The following CFHR4 variants were observed in gnomAD, a reference collection of about 807,000 sequenced individuals.
The protein encoded by CFHR4 is complement factor H related 4.
Under a neutral mutation model 69.3 loss-of-function variants are expected in CFHR4, and 64 were observed. The ratio of observed to expected loss-of-function variants is 0.92; its 90% CI spans 0.76 to 1.14. The LOEUF (loss-of-function observed/expected upper bound fraction) is 1.14, where lower values mean the gene tolerates loss of function less well. CFHR4 is among the 50% of genes most tolerant of loss of function. The pLI, the probability that CFHR4 is intolerant of heterozygous loss-of-function variation, is 0.00. For synonymous variants in CFHR4, 244 were observed against 237.0 expected (o/e 1.03, Z -0.27); for missense variants, 636 against 684.9 (o/e 0.93, Z 0.80).
At chr1:196,908,884 C>G (rs542525744) in intron 5 of CFHR4, among the ~76,000 whole-genome samples, 1 of 151,338 alleles carries the variant, frequency 6.6e-6, no homozygotes, top group African/African-American at 2.4e-5. Flanking sequence ...TGCTATGCTA[C>G]CTTTTACCTT....
intron 1 of CFHR4, among the ~76,000 whole-genome samples, chr1:196,892,181 T>A (rs1657075164): frequency 1.3e-5 from 2 of 151,482 alleles, no homozygotes; most frequent in Non-Finnish European, 2.9e-5. Context: ...GAGAAGTGGA[T>A]AAAGTGGAAT....
intron 1 of CFHR4, among the ~76,000 whole-genome samples, chr1:196,890,819 G>A (rs76233870): frequency 0.019 from 2,876 of 151,540 alleles, 77 homozygotes; most frequent in Middle Eastern, 0.058. Flanking sequence ...AAGGTTCCAG[G>A]CTTTCCTTGA....
chr1:196,909,361 T>C (rs756153139), intron 5 of CFHR4, among the ~76,000 whole-genome samples: 1 of 151,498 alleles, frequency 6.6e-6, no homozygotes, highest in East Asian at 1.9e-4. Context: ...ATATTACATA[T>C]ACATATGGCA....
chr1:196,893,280 G>C (rs1451040134), intron 1 of CFHR4, among the ~76,000 whole-genome samples: 3 of 151,632 alleles, frequency 2.0e-5, no homozygotes, highest in African/African-American at 7.3e-5. Flanking sequence ...TTACGAAGGG[G>C]AGCAAGTTAG....
chr1:196,910,226 T>C, intron 5 of CFHR4, 55 bp from the exon 6 acceptor site: 1 of 994,768 alleles, frequency 1.0e-6, no homozygotes, highest in Admixed American at 2.5e-5. Flanking sequence ...ATCTCTTATA[T>C]CATTGTCTGT....
In CFHR4 at chr1:196,914,658, C is replaced by T. The variant is rs974289309; in HGVS notation, c.1344C>T (p.Phe448=). The change falls in exon 8 of 10, where the codon TTC becomes TTT. Residue 448 remains phenylalanine, a synonymous_variant. Coordinates refer to ENST00000608469, the MANE Select transcript of CFHR4 (RefSeq NM_001201550.3). The stretch of plus-strand genomic sequence containing the variant: ...GTGGTGAAGATGGGTGGTCCCATTT[C>T]CCAACATGTTATAGTAAGTATTTTA... ...IVCGEDGWSH[F]PTCYNSSEKC... 1 of 1,601,724 alleles carries T rather than the reference C, an allele frequency of 6.2e-7. No homozygotes were observed. Among genetic ancestry groups the T allele is most frequent in the South Asian group, 1.1e-5 (1 of 87,510 alleles).
rs771073623 is a variant in CFHR4 at position 196,912,872 on chromosome 1, G to C, written c.1130G>C (p.Gly377Ala). The change falls in exon 7 of 10, where the codon GGT (glycine) becomes GCT (alanine). Residue 377 changes from glycine (G) to alanine (A), a missense_variant. Coordinates refer to ENST00000608469, the MANE Select transcript of CFHR4 (RefSeq NM_001201550.3). The stretch of plus-strand genomic sequence containing the variant: ...GCAACAGCAGATGGAAATTCTTCAG[G>C]TTCAATTACATGTTTGCAAAATGGA... ...GYATADGNSS[G>A]SITCLQNGWS... The C allele has an allele frequency of 1.9e-6, 3 of 1,611,336 alleles. No homozygotes were observed. Among genetic ancestry groups the C allele is most frequent in the Non-Finnish European group, 2.5e-6 (3 of 1,178,848 alleles).
chr1:196,896,432 G>T (rs1473800757), intron 1 of CFHR4, among the ~76,000 whole-genome samples: 1 of 151,470 alleles, frequency 6.6e-6, no homozygotes, highest in East Asian at 1.9e-4. Flanking sequence ...CCAAGGGGAG[G>T]GGCTTGCAAC....
intron 3 of CFHR4, 142 bp downstream of exon 3, chr1:196,905,432 C>T (rs2124954721): frequency 8.1e-7 from 1 of 1,235,856 alleles, no homozygotes; most frequent in Non-Finnish European, 1.1e-6. Flanking sequence ...ACATTCTGTG[C>T]CAAACTAAGT....
chr1:196,896,964 G>A (rs1237955761), intron 1 of CFHR4, among the ~76,000 whole-genome samples: 2 of 151,524 alleles, frequency 1.3e-5, no homozygotes, highest in African/African-American at 2.4e-5. Context: ...TGTTACATAT[G>A]TATAAATACG....
chr1:196,909,705 T>C lies in CFHR4; in HGVS notation c.800-576T>C, dbSNP rs182873954. On this transcript the variant is annotated intron_variant, in intron 5 of 9. Transcript: ENST00000608469. ...GAATGATATCATCAAAAATGAAAAG[T>C]TTACCATGGAAGAACTGGGCTTAAT... is the stretch of plus-strand genomic sequence containing the variant. Among the ~76,000 whole-genome samples the C allele has an allele frequency of 1.6e-3, 246 of 151,112 alleles. 8 individuals carry two copies. Among genetic ancestry groups the C allele is most frequent in the African/African-American group, 5.6e-3 (228 of 40,946 alleles).
Position 196,906,859 on chromosome 1 carries a change from A to G in CFHR4, c.440-2A>G. ...GCAATCCTCAATTTTATTTTGTTTC[A>G]GAATTTTGTGATATGCCTGTTTTTG... On this transcript the variant is annotated splice_acceptor_variant, in intron 3 of 9. Transcript: ENST00000608469. LOFTEE classifies it high-confidence loss of function. 1 of 1,598,782 alleles carries G rather than the reference A, an allele frequency of 6.3e-7. No individual in the cohort carries two copies. The highest frequency in any genetic ancestry group is 8.5e-7 in the Non-Finnish European group (1 of 1,174,164).
At position 196,889,722 on chromosome 1, in the gene CFHR4, T is replaced by A. The variant is rs937060605; in HGVS notation, c.58+1514T>A. 1.3e-4 allele frequency among the ~76,000 whole-genome samples: 19 copies of A among 151,540 alleles called. 2 individuals are homozygous for A. Among genetic ancestry groups the A allele is most frequent in the African/African-American group, 4.4e-4 (18 of 41,096 alleles). On this transcript the variant is annotated intron_variant, in intron 1 of 9. Transcript: ENST00000608469. ...GGCTCAACTGCATCCCTCCAAAATT[T>A]ATTTGTAAAAGTCCAAATTCCCAAT...
At chr1:196,909,657 C>T (rs191027955) in intron 5 of CFHR4, among the ~76,000 whole-genome samples, 5 of 150,962 alleles carry the variant, frequency 3.3e-5, no homozygotes, top group African/African-American at 1.2e-4. Context: ...AGAATACTTG[C>T]ATCAAAAGGA....
intron 9 of CFHR4, among the ~76,000 whole-genome samples, chr1:196,917,845 T>A (rs1227726970): frequency 6.6e-6 from 1 of 151,480 alleles, no homozygotes; most frequent in Non-Finnish European, 1.5e-5. Flanking sequence ...GCTTGTCAAA[T>A]GGGGGAAAGG....
chr1:196,915,613 C>T (rs6662876), intron 9 of CFHR4, among the ~76,000 whole-genome samples: 4 of 149,482 alleles, frequency 2.7e-5, no homozygotes, highest in African/African-American at 5.0e-5. Context: ...CCAGCCTGGG[C>T]GACAGAGGGA....
chr1:196,900,264 A>C (rs1260658635), intron 1 of CFHR4, among the ~76,000 whole-genome samples: 1 of 150,628 alleles, frequency 6.6e-6, no homozygotes, highest in African/African-American at 2.5e-5. Context: ...AAGAAATAGA[A>C]TGAGGCTGCT....
At chr1:196,903,009 C>T (rs1401800069) in intron 2 of CFHR4, among the ~76,000 whole-genome samples, 3 of 151,372 alleles carry the variant, frequency 2.0e-5, no homozygotes, top group African/African-American at 7.3e-5. Flanking sequence ...ATTCATGTCT[C>T]TAATTTACCT....
At chr1:196,907,884 T>C (rs1658004011) in intron 5 of CFHR4, among the ~76,000 whole-genome samples, 1 of 151,284 alleles carries the variant, frequency 6.6e-6, no homozygotes, top group South Asian at 2.1e-4. Context: ...TTAAAAACCA[T>C]GGATGTGGAA....
Sources: gnomAD v4.1 joint callset for allele counts (sites outside exome capture counted in the v4.1 genomes callset) on GRCh38, gnomAD v4.1.1 for gene constraint, MANE v1.5 for transcripts, NCBI Gene and HGNC (gene_info 2026-07-23, HGNC 2026-07-21) for gene names.